Variants in GUCY1A2 observed in about 807,000 individuals in gnomAD.
GUCY1A2 encodes the protein guanylate cyclase 1 soluble subunit alpha 2.
GUCY1A2 carries 27 observed loss-of-function variants against 63.5 expected under a neutral mutation model. The observed-to-expected ratio is 0.43, with a 90% CI of 0.31 to 0.59. The LOEUF (loss-of-function observed/expected upper bound fraction) is 0.59. GUCY1A2 is among the 20% of genes least tolerant of loss of function. The probability of loss-of-function intolerance (pLI) is 0.11; values close to 1 mark genes in which losing one functional copy is unlikely to be tolerated. For missense variants in GUCY1A2, 768 were observed against 913.3 expected, an observed-to-expected ratio of 0.84 and a Z score of 2.05; for synonymous variants, 364 against 343.5, an observed-to-expected ratio of 1.06 and a Z score of -0.66.
At chr11:106,868,519 G>T (rs1000266718) in intron 4 of GUCY1A2, among the ~76,000 whole-genome samples, 2 of 152,026 alleles carry the variant, frequency 1.3e-5, no homozygotes, top group African/African-American at 4.8e-5. Context: ...GCTTCAAAGA[G>T]AATAAAATAC....
rs1304329928 is a variant in GUCY1A2 at position 106,916,010 on chromosome 11, A to G, written c.1206+23450T>C. ...TCCATGAAGGGGAACAAGGGAAAGT[A>G]AGGGGATAAGATACATAAAGGACAT... On this transcript the variant is annotated intron_variant, in intron 4 of 7. Transcript: ENST00000526355. Among the ~76,000 whole-genome samples the G allele has an allele frequency of 2.1e-5, 3 of 145,190 alleles. 1 individual carries two copies. Among genetic ancestry groups the G allele is most frequent in the African/African-American group, 2.4e-5 (1 of 40,936 alleles).
intron 4 of GUCY1A2, among the ~76,000 whole-genome samples, chr11:106,902,036 T>A (rs1860141472): frequency 6.6e-6 from 1 of 152,182 alleles, no homozygotes; most frequent in African/African-American, 2.4e-5. Context: ...GCTGTAGCCT[T>A]CCAAAGTGTA....
rs537223055 is a variant in GUCY1A2 at position 106,832,096 on chromosome 11, C to T, written c.1207-21618G>A. On this transcript the variant is annotated intron_variant, in intron 4 of 7. Transcript: ENST00000526355. ...CTATAATTCTGAATCCAAAGCTTTG[C>T]TTAAAGGACAAATATGCAGTTGGTT... Among the ~76,000 whole-genome samples, 3 of 152,244 alleles carry T rather than the reference C, an allele frequency of 2.0e-5. No homozygotes were observed. In the East Asian group the frequency reaches 5.8e-4, roughly 29 times the overall value.
intron 3 of GUCY1A2, among the ~76,000 whole-genome samples, chr11:106,961,741 T>A (rs559082414): frequency 1.1e-4 from 17 of 152,240 alleles, no homozygotes; most frequent in Non-Finnish European, 2.5e-4. Flanking sequence ...ATTTCCTTTC[T>A]AGCTTGCAGA....
chr11:106,935,926 A>G (rs1860671036), intron 4 of GUCY1A2, among the ~76,000 whole-genome samples: 1 of 152,032 alleles, frequency 6.6e-6, no homozygotes, highest in Non-Finnish European at 1.5e-5. Context: ...TATGTTAAGT[A>G]TGATTTGTAA....
At chr11:106,978,132 T>C (rs1218808074) in intron 3 of GUCY1A2, among the ~76,000 whole-genome samples, 1 of 152,034 alleles carries the variant, frequency 6.6e-6, no homozygotes, top group African/African-American at 2.4e-5. Flanking sequence ...GACACTCCCC[T>C]AACCCCAAGT....
At chr11:106,714,627 C>T (rs1591244297) in intron 6 of GUCY1A2, among the ~76,000 whole-genome samples, 1 of 152,174 alleles carries the variant, frequency 6.6e-6, no homozygotes, top group Non-Finnish European at 1.5e-5. Context: ...ATCCATCTGG[C>T]CAGTATGCTC....
At chr11:106,926,548 C>T (rs1860524995) in intron 4 of GUCY1A2, among the ~76,000 whole-genome samples, 1 of 151,966 alleles carries the variant, frequency 6.6e-6, no homozygotes, top group African/African-American at 2.4e-5. Context: ...ACCAGACCCA[C>T]TGAATCATCT....
intron 4 of GUCY1A2, among the ~76,000 whole-genome samples, chr11:106,862,047 C>T (rs1859520136): frequency 6.6e-6 from 1 of 151,992 alleles, no homozygotes; most frequent in Non-Finnish European, 1.5e-5. Flanking sequence ...ATTATGTCGT[C>T]AGTCCCCTTC....
chr11:106,821,873 T>G (rs1858908138), intron 4 of GUCY1A2, among the ~76,000 whole-genome samples: 1 of 152,192 alleles, frequency 6.6e-6, no homozygotes, highest in Non-Finnish European at 1.5e-5. Context: ...ACGTTAAAAT[T>G]TATTTGTTCT....
At chr11:106,928,349 A>G (rs1172544766) in intron 4 of GUCY1A2, among the ~76,000 whole-genome samples, 2 of 152,152 alleles carry the variant, frequency 1.3e-5, no homozygotes, top group Non-Finnish European at 2.9e-5. Context: ...TCAGCCAACA[A>G]CAACTTCACA....
rs1047943623 is a variant in GUCY1A2 at position 106,680,124 on chromosome 11, A to G, written c.*7425T>C. 2 of 215,316 alleles carry G rather than the reference A, an allele frequency of 9.3e-6. No homozygotes were observed. The highest frequency in any genetic ancestry group is 4.5e-5 in the African/African-American group (2 of 44,314). The allele number at this position is 215,316 out of a possible 1,614,324, so 13.3% of individuals were successfully genotyped here. A position where few individuals can be genotyped will look rare whatever the true frequency, so the allele number is the denominator to read the frequency against. ...TAACTCTCTTTGCTTCATCTCTTCT[A>G]AAGCTCCTGCCCACCTCACTCACTC... On this transcript the variant is annotated 3_prime_UTR_variant, in exon 8 of 8. Transcript: ENST00000526355.
intron 4 of GUCY1A2, among the ~76,000 whole-genome samples, chr11:106,892,525 T>C (rs1859988423): frequency 1.3e-5 from 2 of 152,262 alleles, no homozygotes; most frequent in South Asian, 4.1e-4. Context: ...TCCTGAAATG[T>C]GTCAATCTTC....
intron 6 of GUCY1A2, among the ~76,000 whole-genome samples, chr11:106,715,453 A>T (rs1055425606): frequency 2.6e-5 from 4 of 152,210 alleles, no homozygotes; most frequent in African/African-American, 9.6e-5. Flanking sequence ...ATTATAAAAA[A>T]TGCCCAAATT....
At chr11:106,965,962 T>C (rs1403354395) in intron 3 of GUCY1A2, among the ~76,000 whole-genome samples, 2 of 151,204 alleles carry the variant, frequency 1.3e-5, no homozygotes, top group African/African-American at 4.9e-5. Flanking sequence ...GAGCTCTAAA[T>C]CCAGAAATAT....
chr11:106,850,219 G>A (rs917960470), intron 4 of GUCY1A2, among the ~76,000 whole-genome samples: 1 of 151,438 alleles, frequency 6.6e-6, no homozygotes, highest in Non-Finnish European at 1.5e-5. Flanking sequence ...CCTTTTTCTA[G>A]TTGATATTTA....
chr11:106,698,521 TATATA>T, intron 7 of GUCY1A2, among the ~76,000 whole-genome samples: 1 of 152,314 alleles, frequency 6.6e-6, no homozygotes, highest in Admixed American at 6.5e-5. Context: ...ATTGCAAAGA[TATATA>T]GTATAGTTCT....
chr11:106,687,575 T>A lies in GUCY1A2; in HGVS notation c.2173A>T (p.Met725Leu), dbSNP rs752064510. ...IKKVSYNIGTMFLRETSL is the reference protein window; with the variant it reads ...IKKVSYNIGTLFLRETSL ...CAGAGGCTTGTCTCCCGGAGGAACATGGTGCCGATGTTGTAGGAAACCTTT... is the reference window on the plus strand; with the variant it reads ...CAGAGGCTTGTCTCCCGGAGGAACAAGGTGCCGATGTTGTAGGAAACCTTT... Residue 725 changes from methionine (M) to leucine (L), a missense_variant, in exon 8 of 8, where the codon ATG (methionine) becomes TTG (leucine). By Grantham distance (15) the Met-to-Leu change is conservative (BLOSUM62 2). Transcript: ENST00000526355. The A allele has an allele frequency of 6.2e-7, 1 of 1,613,918 alleles. No individual in the cohort carries two copies. The highest frequency in any genetic ancestry group is 2.2e-5 in the East Asian group (1 of 44,866).
chr11:106,824,896 T>C (rs1310062375), intron 4 of GUCY1A2: 12 of 1,612,826 alleles, frequency 7.4e-6, no homozygotes, highest in Non-Finnish European at 8.5e-6. Context: ...GCTGCAAACA[T>C]GCTTCAGCAA....
Sources: gnomAD v4.1 joint callset for allele counts (sites outside exome capture counted in the v4.1 genomes callset) on GRCh38, gnomAD v4.1.1 for gene constraint, MANE v1.5 for transcripts, NCBI Gene and HGNC (gene_info 2026-07-23, HGNC 2026-07-21) for gene names.